The following FARP2 variants were observed in gnomAD, a reference collection of about 807,000 sequenced individuals.
FARP2 encodes FERM, ARHGEF and pleckstrin domain-containing protein 2.
Under a neutral mutation model 130.5 loss-of-function variants are expected in FARP2, and 111 were observed. The ratio of observed to expected loss-of-function variants is 0.85; its 90% CI spans 0.73 to 1.00. FARP2 has a LOEUF of 1.00. Ranked by LOEUF, FARP2 falls within the 50% of genes least tolerant of loss-of-function variation. FARP2 has a pLI of 0.00. For synonymous variants in FARP2, 504 were observed against 516.9 expected (o/e 0.98, Z 0.34); for missense variants, 1,385 against 1,346.3 (o/e 1.03, Z -0.45).
At chr2:241,407,388 G>A (rs777037160) in intron 4 of FARP2, 149 bp from the exon 5 acceptor site, 104 of 622,730 alleles carry the variant, frequency 1.7e-4, no homozygotes, top group Admixed American at 3.8e-4. Context: ...CACCACACCT[G>A]GGCAGAAATT....
intron 2 of FARP2, among the ~76,000 whole-genome samples, chr2:241,388,226 T>C (rs1260826317): frequency 3.3e-5 from 5 of 152,232 alleles, no homozygotes; most frequent in African/African-American, 1.2e-4. Context: ...GGCATAAGGA[T>C]AGACTTATAG....
At chr2:241,417,647 A>G (rs879059231) in intron 7 of FARP2, among the ~76,000 whole-genome samples, 1 of 152,192 alleles carries the variant, frequency 6.6e-6, no homozygotes, top group Admixed American at 6.5e-5. Flanking sequence ...TTCTGATTAA[A>G]ATTTGTCTCT....
chr2:241,387,806 A>G (rs897958446), intron 2 of FARP2, among the ~76,000 whole-genome samples: 63 of 151,994 alleles, frequency 4.1e-4, no homozygotes, highest in African/African-American at 1.2e-3. Context: ...AAAAAAAAAA[A>G]AAAGAAAATT....
At chr2:241,432,364 G>A (rs969496723) in intron 9 of FARP2, 1 of 152,268 alleles carries the variant, frequency 6.6e-6, no homozygotes, top group Non-Finnish European at 1.5e-5. Flanking sequence ...GCTTCAGCGG[G>A]TCTGGGATGA....
chr2:241,373,300 A>G lies in FARP2; in HGVS notation c.183+10A>G, dbSNP rs764576628. ...AATATTTGACATTGAGGTAAGAAGC[A>G]TGATTTTTGGAGGCATATTTCCTTA... is the stretch of plus-strand genomic sequence containing the variant. On this transcript the variant is annotated intron_variant, in intron 2 of 26. Transcript: ENST00000264042. 7.2e-7 allele frequency: 1 copy of G among 1,392,224 alleles called. No individual in the cohort carries two copies. Among genetic ancestry groups the G allele is most frequent in the East Asian group, 2.7e-5 (1 of 37,318 alleles). 86.2% of individuals were successfully genotyped at this position (1,392,224 alleles called of 1,614,324 possible).
intron 13 of FARP2, among the ~76,000 whole-genome samples, chr2:241,447,521 T>C (rs977145480): frequency 6.6e-6 from 1 of 152,206 alleles, no homozygotes; most frequent in Non-Finnish European, 1.5e-5. Flanking sequence ...CTTGCACTTT[T>C]ACCGTGCACA....
At chr2:241,454,977 T>A (rs1165168930) in intron 13 of FARP2, among the ~76,000 whole-genome samples, 1 of 152,164 alleles carries the variant, frequency 6.6e-6, no homozygotes, top group Non-Finnish European at 1.5e-5. Context: ...CTCCCTCCCC[T>A]CCATCTCCCA....
At chr2:241,436,646 A>C in intron 12 of FARP2, 108 bp downstream of exon 12, 1 of 922,622 alleles carries the variant, frequency 1.1e-6, no homozygotes, top group Non-Finnish European at 1.8e-6. Flanking sequence ...CATATTATTT[A>C]ATGCAGCAAT....
At position 241,494,091 on chromosome 2, in the gene FARP2, G is replaced by A. The variant is rs754776634; in HGVS notation, c.3131G>A (p.Gly1044Glu). ...CAGGATGGCCCCCAACCCTCCTCAG[G>A]GCTGGAGGGGATGGTCAGGGGGAAG... ...IVQDGPQPSS[G>E]LEGMVRGKEE Residue 1044 changes from glycine (G) to glutamate (E), a missense_variant, in exon 27 of 27, where the codon GGG becomes GAG. Gly to Glu is a moderately conservative substitution (Grantham distance 98). Coordinates refer to ENST00000264042, the MANE Select transcript of FARP2 (RefSeq NM_014808.4). This position sits in a 1 kb window ranked among gnomAD's most constrained non-coding sequence, Gnocchi z 4.9. The A allele has an allele frequency of 2.0e-5, 30 of 1,469,540 alleles. No individual in the cohort carries two copies. Among genetic ancestry groups the A allele is most frequent in the Non-Finnish European group, 2.4e-5 (27 of 1,118,312 alleles). 91.0% of individuals were successfully genotyped at this position (1,469,540 alleles called of 1,614,324 possible). A position where few individuals can be genotyped will look rare whatever the true frequency, so the allele number is the denominator to read the frequency against.
chr2:241,416,495 A>C (rs1482950827), intron 7 of FARP2, among the ~76,000 whole-genome samples: 1 of 151,972 alleles, frequency 6.6e-6, no homozygotes, highest in African/African-American at 2.4e-5. Context: ...CTTTATTTTA[A>C]TTATTATACA....
intron 7 of FARP2, among the ~76,000 whole-genome samples, chr2:241,414,997 C>A (rs1454124473): frequency 6.6e-6 from 1 of 152,200 alleles, no homozygotes; most frequent in Non-Finnish European, 1.5e-5. Context: ...GTGGCAATTA[C>A]GGACAGCTCT....
At position 241,480,452 on chromosome 2, in the gene FARP2, G is replaced by A. The variant is rs74945560; in HGVS notation, c.2263-3013G>A. 0.012 allele frequency among the ~76,000 whole-genome samples: 1,879 copies of A among 152,232 alleles called. 123 individuals carry two copies. The East Asian group carries it at 0.16, about 13-fold the overall frequency. On this transcript the variant is annotated intron_variant, in intron 19 of 26. Coordinates refer to ENST00000264042, the MANE Select transcript of FARP2 (RefSeq NM_014808.4). ...GGAAGGCAGCCACTGTGGGCCCTCA[G>A]GGTGTACTCTCTGGGGAGCTGCTGG...
intron 13 of FARP2, among the ~76,000 whole-genome samples, chr2:241,455,484 G>A (rs1267192576): frequency 1.3e-5 from 2 of 152,036 alleles, no homozygotes; most frequent in Admixed American, 1.3e-4. Flanking sequence ...AGGTTCAAGC[G>A]ATTCTCCTGC....
intron 13 of FARP2, among the ~76,000 whole-genome samples, chr2:241,453,777 T>G (rs964646180): frequency 1.8e-5 from 2 of 109,568 alleles, no homozygotes; most frequent in African/African-American, 7.1e-5. Context: ...TGGTTTTTTT[T>G]TTTTTTTTTT....
intron 22 of FARP2, 107 bp from the exon 23 acceptor site, chr2:241,490,954 A>G: frequency 1.2e-6 from 1 of 825,514 alleles, no homozygotes; most frequent in Admixed American, 1.8e-5. Context: ...AGGCAGGACA[A>G]AGCAGAATGT....
chr2:241,463,000 T>C lies in FARP2; in HGVS notation c.1678-335T>C, dbSNP rs369776527. Among the ~76,000 whole-genome samples the C allele has an allele frequency of 2.5e-4, 38 of 152,312 alleles. 1 individual carries two copies. In the South Asian group the frequency reaches 7.7e-3, roughly 31 times the overall value. ...TGAGCCACCGCCCAGCCAAGAAATATCTCTTGATAATCATGAGACTTGCTT... is the reference window on the plus strand; with the variant it reads ...TGAGCCACCGCCCAGCCAAGAAATACCTCTTGATAATCATGAGACTTGCTT... On this transcript the variant is annotated intron_variant, in intron 15 of 26. Coordinates refer to ENST00000264042, the MANE Select transcript of FARP2 (RefSeq NM_014808.4).
At chr2:241,409,752 A>G (rs918801475) in intron 5 of FARP2, among the ~76,000 whole-genome samples, 1 of 152,110 alleles carries the variant, frequency 6.6e-6, no homozygotes, top group Non-Finnish European at 1.5e-5. Context: ...TTTTCCCCCC[A>G]CTTATTAAGC....
rs545552396 is a variant in FARP2 at position 241,483,839 on chromosome 2, A to G, written c.2331+306A>G. The G allele has an allele frequency of 3.0e-6, 3 of 985,368 alleles. No homozygotes were observed. In the Admixed American group the frequency reaches 1.8e-4, roughly 61 times the overall value. The allele number at this position is 985,368 out of a possible 1,614,324, so 61.0% of individuals were successfully genotyped here. ...TAAAGTCCACATACATGTGGCTGCA[A>G]GAAGGTGCTACTGATGGCCCAATGG... On this transcript the variant is annotated intron_variant, in intron 20 of 26. Coordinates refer to ENST00000264042, the MANE Select transcript of FARP2 (RefSeq NM_014808.4).
chr2:241,438,121 T>C (rs909798571), intron 12 of FARP2, among the ~76,000 whole-genome samples: 2 of 152,226 alleles, frequency 1.3e-5, no homozygotes, highest in Non-Finnish European at 2.9e-5. Flanking sequence ...AATCTTGCTA[T>C]TTTTATGTAA....
Sources: allele counts gnomAD v4.1 joint callset (sites outside exome capture counted in the v4.1 genomes callset), GRCh38; gene constraint gnomAD v4.1.1; non-coding constraint Gnocchi (gnomAD v3.1); transcripts MANE v1.5; gene names NCBI Gene and HGNC (gene_info 2026-07-23, HGNC 2026-07-21).